The following SMC6 variants were observed in gnomAD, a reference collection of about 807,000 sequenced individuals.
SMC6 encodes structural maintenance of chromosomes 6, also known as structural maintenance of chromosomes protein 6.
SMC6 carries 79 observed loss-of-function variants against 142.2 expected under a neutral mutation model. The ratio of observed to expected loss-of-function variants is 0.56; its 90% CI spans 0.46 to 0.67. The LOEUF is 0.67. Ranked by LOEUF, SMC6 falls within the 30% of genes least tolerant of loss-of-function variation. The pLI, the probability that SMC6 is intolerant of heterozygous loss-of-function variation, is 0.00. For missense variants in SMC6, 1,072 were observed against 1,284.0 expected (o/e 0.83, Z 2.52); for synonymous variants, 411 against 412.4 (o/e 1.00, Z 0.04).
At position 17,718,162 on chromosome 2, in the gene SMC6, C is replaced by T. The variant is rs752012081; in HGVS notation, c.1007G>A (p.Ser336Asn). 2.5e-6 allele frequency: 4 copies of T among 1,611,038 alleles called. No individual in the cohort carries two copies. In the Admixed American group the frequency reaches 5.0e-5, roughly 20 times the overall value. ...KDIQDKLEKI[S>N]EETNARAPEC... ...TGGTGCTCGTGCATTTGTCTCTTCA[C>T]TAATCTTTTCTAGTTTGTCTTGAAT... is the stretch of plus-strand genomic sequence containing the variant. Residue 336 changes from serine (S) to asparagine (N), a missense_variant, in exon 12 of 28, where the codon AGT becomes AAT. By Grantham distance (46) the Ser-to-Asn change is conservative. This residue lies in a region of SMC6 where 994 missense variants were observed against 1,153.2 expected (regional missense o/e 0.86). Coordinates refer to ENST00000448223, the MANE Select transcript of SMC6 (RefSeq NM_001142286.2).
At chr2:17,693,252 G>T (rs564923598) in intron 23 of SMC6, among the ~76,000 whole-genome samples, 31 of 152,250 alleles carry the variant, frequency 2.0e-4, no homozygotes, top group African/African-American at 6.7e-4. Flanking sequence ...ACATGCACAT[G>T]TATGTTTATT....
At position 17,665,508 on chromosome 2, in the gene SMC6, G is replaced by T. The variant is rs139276977; in HGVS notation, c.3267C>A (p.Asp1089Glu). Reference sequence around the variant, plus strand: ...CATGTTAAGTTACAAATCACCTTTGGTCATCATCTTCTTCTTGAGTCACAG... The same window carrying T: ...CATGTTAAGTTACAAATCACCTTTGTTCATCATCTTCTTCTTGAGTCACAG... The part of the protein sequence containing the change: ...FRPVTQEEDD[D>E]QR The change falls in exon 28 of 28, where the codon GAC (aspartate) becomes GAA (glutamate). Residue 1089 changes from aspartate to glutamate, a missense_variant. This residue lies in a region of SMC6 where 76 missense variants were observed against 112.3 expected (regional missense o/e 0.68). Transcript: ENST00000448223. The T allele has an allele frequency of 2.9e-4, 460 of 1,605,576 alleles. No individual in the cohort carries two copies. Among genetic ancestry groups the T allele is most frequent in the Middle Eastern group, 1.5e-3 (9 of 6,028 alleles).
At position 17,714,903 on chromosome 2, in the gene SMC6, A is replaced by G; in HGVS notation, c.1688T>C (p.Ile563Thr). 6.2e-7 allele frequency: 1 copy of G among 1,613,328 alleles called. No individual in the cohort carries two copies. Residue 563 changes from isoleucine to threonine, a missense_variant, in exon 16 of 28, where the codon ATA (isoleucine) becomes ACA (threonine). Physicochemically the swap from Ile to Thr is moderately conservative, Grantham distance 89. Transcript: ENST00000448223. ...YLPGTSRPPI[I>T]VSEFRNEIYD... Reference sequence around the variant, plus strand: ...TATCTCATTCCGAAACTCAGAAACTATTATCGGTGGCCGTGAGGTCCCTGG... The same window carrying G: ...TATCTCATTCCGAAACTCAGAAACTGTTATCGGTGGCCGTGAGGTCCCTGG...
At chr2:17,716,294 T>C (rs770253631) in intron 14 of SMC6, 30 bp from the exon 15 acceptor site, 3 of 1,580,956 alleles carry the variant, frequency 1.9e-6, no homozygotes, top group East Asian at 2.3e-5. Flanking sequence ...AAACAGAACA[T>C]ATATGTGATA....
intron 8 of SMC6, among the ~76,000 whole-genome samples, chr2:17,725,691 T>C (rs1669581193): frequency 1.3e-5 from 2 of 152,340 alleles, no homozygotes; most frequent in Non-Finnish European, 1.5e-5. Context: ...TTGGTCTTAG[T>C]ACATCTTAAA....
intron 25 of SMC6, 76 bp downstream of exon 25, chr2:17,678,783 A>G (rs1667113546): frequency 8.9e-7 from 1 of 1,121,572 alleles, no homozygotes; most frequent in South Asian, 1.5e-5. Flanking sequence ...CTCTAAAAAA[A>G]ACCCAACAAA....
At position 17,746,211 on chromosome 2, in the gene SMC6, C is replaced by A. The variant is rs190384451; in HGVS notation, c.-5-260G>T. The A allele has an allele frequency of 5.4e-4, 167 of 309,808 alleles. 1 individual carries two copies. The highest frequency in any genetic ancestry group is 2.8e-4 in the Non-Finnish European group (48 of 170,470). 19.2% of individuals were successfully genotyped at this position (309,808 alleles called of 1,614,324 possible). A position where few individuals can be genotyped will look rare whatever the true frequency, so the allele number is the denominator to read the frequency against. ...AGCCCTACTGACATCTGGATTTTAG[C>A]CCAGTGAGATCTGTGTTGGACTTCT... is the stretch of plus-strand genomic sequence containing the variant. On this transcript the variant is annotated intron_variant, in intron 2 of 27. Transcript: ENST00000448223.
intron 25 of SMC6, among the ~76,000 whole-genome samples, chr2:17,672,058 A>G (rs1666787379): frequency 6.6e-6 from 1 of 152,122 alleles, no homozygotes; most frequent in South Asian, 2.1e-4. Flanking sequence ...CATACTCTAA[A>G]ATTTTACACC....
At chr2:17,752,649 T>C (rs149624075) in intron 2 of SMC6, among the ~76,000 whole-genome samples, 2 of 152,318 alleles carry the variant, frequency 1.3e-5, no homozygotes, top group African/African-American at 4.8e-5. Flanking sequence ...ATAAAATTAA[T>C]ACCCTATGTT....
intron 25 of SMC6, among the ~76,000 whole-genome samples, chr2:17,674,422 A>G (rs1191975216): frequency 1.3e-5 from 2 of 152,192 alleles, no homozygotes; most frequent in Non-Finnish European, 2.9e-5. Flanking sequence ...TATGACATCA[A>G]TCCTTTGAAA....
intron 9 of SMC6, 128 bp downstream of exon 9, chr2:17,725,129 C>T (rs1220647487): frequency 4.6e-6 from 3 of 645,366 alleles, no homozygotes; most frequent in Non-Finnish European, 7.8e-6. Flanking sequence ...GCATATACTT[C>T]AGAGTGCTAT....
At position 17,718,167 on chromosome 2, in the gene SMC6, C is replaced by G; in HGVS notation, c.1002G>C (p.Lys334Asn). Residue 334 changes from lysine (K) to asparagine (N), a missense_variant, in exon 12 of 28, where the codon AAG becomes AAC. By Grantham distance (94) the Lys-to-Asn change is moderately conservative. Coordinates refer to ENST00000448223, the MANE Select transcript of SMC6 (RefSeq NM_001142286.2). ...KYKDIQDKLE[K>N]ISEETNARAP... ...CTCGTGCATTTGTCTCTTCACTAAT[C>G]TTTTCTAGTTTGTCTTGAATATCCT... The G allele has an allele frequency of 6.2e-7, 1 of 1,611,092 alleles. No individual in the cohort carries two copies. Among genetic ancestry groups the G allele is most frequent in the East Asian group, 2.2e-5 (1 of 44,630 alleles).
Position 17,731,726 on chromosome 2 carries a change from A to G in SMC6, c.481+15T>C, listed in dbSNP as rs764435599. On this transcript the variant is annotated intron_variant, in intron 6 of 27. Coordinates refer to ENST00000448223, the MANE Select transcript of SMC6 (RefSeq NM_001142286.2). The stretch of plus-strand genomic sequence containing the variant: ...CTAATATTTTATAAGAAATGAAAAG[A>G]GAATCAAAACAAACCTGTTGCACTT... 7 of 1,604,920 alleles carry G rather than the reference A, an allele frequency of 4.4e-6. No individual in the cohort carries two copies. Among genetic ancestry groups the G allele is most frequent in the South Asian group, 1.1e-5 (1 of 89,722 alleles).
chr2:17,669,913 T>C lies in SMC6; in HGVS notation c.3063+510A>G, dbSNP rs150221945. ...GATGAAGAAATTGAGACCCAATAAG[T>C]AGAGATATTTTGCCTGTCAGAGGTA... On this transcript the variant is annotated intron_variant, in intron 26 of 27. Transcript: ENST00000448223. 2.6e-5 allele frequency among the ~76,000 whole-genome samples: 4 copies of C among 152,258 alleles called. No individual in the cohort carries two copies. In the East Asian group the frequency reaches 7.7e-4, roughly 29 times the overall value.
chr2:17,708,315 T>TAATA (rs1668653471), intron 17 of SMC6, among the ~76,000 whole-genome samples: 4 of 151,946 alleles, frequency 2.6e-5, no homozygotes, highest in Non-Finnish European at 4.4e-5. Flanking sequence ...AATACAGATA[T>TAATA]CTGTAAGGGC....
intron 4 of SMC6, among the ~76,000 whole-genome samples, chr2:17,739,757 G>A (rs935954551): frequency 6.6e-6 from 1 of 151,924 alleles, no homozygotes; most frequent in Non-Finnish European, 1.5e-5. Context: ...AGGCTGCAAT[G>A]AGCTATGATC....
At chr2:17,728,567 T>C (rs1201519712) in intron 7 of SMC6, among the ~76,000 whole-genome samples, 1 of 151,530 alleles carries the variant, frequency 6.6e-6, no homozygotes, top group African/African-American at 2.4e-5. Context: ...AAGAATGTTG[T>C]AGCTTTATCT....
intron 4 of SMC6, chr2:17,740,891 CCAAACAACAAA>C: frequency 3.7e-6 from 1 of 269,016 alleles, no homozygotes. Context: ...CCCCAAACCA[CCAAACAACAAA>C]CAAAACTCTA....
chr2:17,740,857 C>CAAA, intron 4 of SMC6: 6 of 171,992 alleles, frequency 3.5e-5, no homozygotes, highest in South Asian at 1.3e-4. Flanking sequence ...CTCAAAAAAA[C>CAAA]AAAAAACAAA....
Sources: gnomAD v4.1 joint callset for allele counts (sites outside exome capture counted in the v4.1 genomes callset) on GRCh38, gnomAD v4.1.1 for gene constraint, gnomAD v4.1.1 regional missense constraint, MANE v1.5 for transcripts, NCBI Gene and HGNC (gene_info 2026-07-23, HGNC 2026-07-21) for gene names.